IPP: variants seen among roughly 807,000 people sequenced by gnomAD.
IPP encodes the protein actin-binding protein IPP.
In IPP, 41 loss-of-function variants were observed where a neutral mutation model predicts 64.1. The ratio of observed to expected loss-of-function variants is 0.64; its 90% confidence interval spans 0.50 to 0.83. The LOEUF is 0.83. Among genes scored for constraint, IPP ranks in the 40% least tolerant of loss-of-function variants. The pLI, the probability that IPP is intolerant of heterozygous loss-of-function variation, is 0.00. For missense variants in IPP, 649 were observed against 703.0 expected, an observed-to-expected ratio of 0.92 and a Z score of 0.87; for synonymous variants, 214 against 235.2, an observed-to-expected ratio of 0.91 and a Z score of 0.83.
chr1:45,746,087 C>A, intron 2 of IPP, 33 bp downstream of exon 2: 10 of 1,551,724 alleles, frequency 6.4e-6, no homozygotes, highest in Non-Finnish European at 8.9e-6. Flanking sequence ...TTGAATCATT[C>A]TTCAGTCAAA....
Position 45,699,894 on chromosome 1 carries a change from CTA to C in IPP, c.*70_*71del, listed in dbSNP as rs1336419553. 6 of 1,569,598 alleles carry C rather than the reference CTA, an allele frequency of 3.8e-6. No individual in the cohort carries two copies. In the East Asian group the frequency reaches 9.0e-5, roughly 24 times the overall value. ...GAATCAGAGGGTCTTATCACCAAAT[CTA>C]TGTTTGCTTTGCAAAAGGTCAGGTC... On this transcript the variant is annotated 3_prime_UTR_variant, in exon 9 of 9. Coordinates refer to ENST00000396478, the MANE Select transcript of IPP (RefSeq NM_005897.3).
intron 3 of IPP, among the ~76,000 whole-genome samples, chr1:45,735,388 A>T (rs1162407742): frequency 6.6e-6 from 1 of 151,094 alleles, no homozygotes; most frequent in African/African-American, 2.4e-5. Context: ...CCAGCAACTA[A>T]TTTTAAATGT....
At chr1:45,732,689 C>T (rs952452286) in intron 3 of IPP, among the ~76,000 whole-genome samples, 1 of 151,894 alleles carries the variant, frequency 6.6e-6, no homozygotes, top group African/African-American at 2.4e-5. Context: ...TATTTAGAGA[C>T]AGAGTCTAGC....
chr1:45,735,646 T>TG (rs1557756700), intron 3 of IPP, among the ~76,000 whole-genome samples: 4 of 120,256 alleles, frequency 3.3e-5, no homozygotes, highest in Non-Finnish European at 6.9e-5. Context: ...TTTTTTTTTT[T>TG]GTGAGATAGA....
intron 6 of IPP, 80 bp from the exon 7 acceptor site, chr1:45,717,097 C>T: frequency 3.1e-6 from 4 of 1,276,170 alleles, no homozygotes; most frequent in Non-Finnish European, 4.5e-6. Context: ...ACATCTAAAC[C>T]AAATACTTCA....
chr1:45,702,079 T>G (rs1012331418), intron 8 of IPP, among the ~76,000 whole-genome samples: 1 of 152,208 alleles, frequency 6.6e-6, no homozygotes, highest in African/African-American at 2.4e-5. Context: ...CTGGTTAAGA[T>G]AAATTAGGAT....
chr1:45,726,473 ATAAG>A (rs1312621244), intron 5 of IPP, among the ~76,000 whole-genome samples: 1 of 152,120 alleles, frequency 6.6e-6, no homozygotes, highest in East Asian at 1.9e-4. Context: ...TATCAAATAA[ATAAG>A]TAAATTTTTA....
At chr1:45,695,196 TCA>T (rs1419828515), downstream of IPP, among the ~76,000 whole-genome samples, 1 of 152,174 alleles carries the variant, frequency 6.6e-6, no homozygotes, top group African/African-American at 2.4e-5. Flanking sequence ...ACGCAGGGTC[TCA>T]CTCTTGCTCA....
chr1:45,726,528 C>T (rs1161525505), intron 5 of IPP, among the ~76,000 whole-genome samples: 1 of 152,002 alleles, frequency 6.6e-6, no homozygotes, highest in Non-Finnish European at 1.5e-5. Flanking sequence ...GTCCCAGTTA[C>T]TTTATTATTT....
At chr1:45,721,675 C>G (rs1484651053) in intron 5 of IPP, among the ~76,000 whole-genome samples, 3 of 152,228 alleles carry the variant, frequency 2.0e-5, no homozygotes, top group Admixed American at 6.5e-5. Flanking sequence ...ATCACTAAAA[C>G]TGGGAGTGGT....
At chr1:45,749,711 G>C (rs1033066136) in intron 1 of IPP, among the ~76,000 whole-genome samples, 3 of 151,338 alleles carry the variant, frequency 2.0e-5, no homozygotes, top group Admixed American at 1.3e-4. Context: ...TAGTAGAGAC[G>C]GGGTTTCACC....
At chr1:45,695,019 C>G (rs141747880), downstream of IPP, 1 of 152,880 alleles carries the variant, frequency 6.5e-6, no homozygotes, top group African/African-American at 2.4e-5. Context: ...TCTAGAGTAG[C>G]TGGGATTATA....
In IPP at chr1:45,732,018, A is replaced by C. The variant is rs143466121; in HGVS notation, c.725-2249T>G. Among the ~76,000 whole-genome samples, 369 of 152,102 alleles carry C rather than the reference A, an allele frequency of 2.4e-3. 4 individuals are homozygous for C. Among genetic ancestry groups the C allele is most frequent in the Non-Finnish European group, 6.6e-4 (45 of 67,976 alleles). The stretch of plus-strand genomic sequence containing the variant: ...TCAGTCAGAAGAAAACATCAGCTAC[A>C]AATAGACAGACTCCTCGTAAGTGCT... On this transcript the variant is annotated intron_variant, in intron 3 of 8. Coordinates refer to ENST00000396478, the MANE Select transcript of IPP (RefSeq NM_005897.3).
In IPP at chr1:45,733,996, A is replaced by T. The variant is rs1393924848; in HGVS notation, c.725-4227T>A. On this transcript the variant is annotated intron_variant, in intron 3 of 8. Coordinates refer to ENST00000396478, the MANE Select transcript of IPP (RefSeq NM_005897.3). ...CCAGCCAACCAAAACAATGCATATTAAAAAAAATCATCAATGAAAAGACCA... is the reference window on the plus strand; with the variant it reads ...CCAGCCAACCAAAACAATGCATATTTAAAAAAATCATCAATGAAAAGACCA... Among the ~76,000 whole-genome samples, 7 of 152,156 alleles carry T rather than the reference A, an allele frequency of 4.6e-5. No homozygotes were observed. The East Asian group carries it at 5.8e-4, about 13-fold the overall frequency.
At chr1:45,717,756 G>A (rs555781645) in intron 6 of IPP, among the ~76,000 whole-genome samples, 4 of 151,984 alleles carry the variant, frequency 2.6e-5, no homozygotes, top group South Asian at 2.1e-4. Flanking sequence ...TTCATGATCC[G>A]CCCGCCTCAG....
At chr1:45,723,261 A>C (rs1645758317) in intron 5 of IPP, among the ~76,000 whole-genome samples, 1 of 152,184 alleles carries the variant, frequency 6.6e-6, no homozygotes, top group South Asian at 2.1e-4. Flanking sequence ...TTTCTTTTTC[A>C]TATGCTTCTG....
intron 5 of IPP, among the ~76,000 whole-genome samples, chr1:45,720,487 C>T (rs1413067187): frequency 6.6e-6 from 1 of 151,856 alleles, no homozygotes; most frequent in Non-Finnish European, 1.5e-5. Flanking sequence ...AATGTATTCC[C>T]AATCAAAAAA....
intron 5 of IPP, among the ~76,000 whole-genome samples, chr1:45,727,260 G>C (rs1009693303): frequency 1.3e-5 from 2 of 152,098 alleles, no homozygotes; most frequent in Non-Finnish European, 2.9e-5. Context: ...ATATTGCCCA[G>C]GCTGGTCTCA....
intron 5 of IPP, among the ~76,000 whole-genome samples, chr1:45,722,748 G>A (rs1645750439): frequency 6.6e-6 from 1 of 152,124 alleles, no homozygotes; most frequent in African/African-American, 2.4e-5. Flanking sequence ...TGGAAACAAT[G>A]TAAATGTCCA....
Sources: gnomAD v4.1 joint callset for allele counts (sites outside exome capture counted in the v4.1 genomes callset) on GRCh38, gnomAD v4.1.1 for gene constraint, MANE v1.5 for transcripts, NCBI Gene and HGNC (gene_info 2026-07-23, HGNC 2026-07-21) for gene names.